Variants in PDE8A observed in about 807,000 individuals in gnomAD.
PDE8A encodes the protein phosphodiesterase 8A.
A neutral mutation model predicts 105.0 loss-of-function variants in PDE8A; 59 were observed. That is an observed-to-expected ratio of 0.56 (90% CI 0.46 to 0.70). The LOEUF (loss-of-function observed/expected upper bound fraction) is 0.70. Among genes scored for constraint, PDE8A ranks in the 30% least tolerant of loss-of-function variants. The probability of loss-of-function intolerance (pLI) is 0.00; values close to 1 mark genes in which losing one functional copy is unlikely to be tolerated. For missense variants in PDE8A, 1,014 were observed against 1,045.9 expected, an observed-to-expected ratio of 0.97 and a Z score of 0.42; for synonymous variants, 355 against 371.9, an observed-to-expected ratio of 0.95 and a Z score of 0.52.
At chr15:85,036,468 C>T (rs2080708199) in intron 1 of PDE8A, among the ~76,000 whole-genome samples, 2 of 152,174 alleles carry the variant, frequency 1.3e-5, no homozygotes, top group South Asian at 4.1e-4. Context: ...GGACTTGAAC[C>T]TGTATACATC....
At chr15:85,064,953 CAG>C (rs2081199078) in intron 2 of PDE8A, among the ~76,000 whole-genome samples, 1 of 151,756 alleles carries the variant, frequency 6.6e-6, no homozygotes, top group African/African-American at 2.4e-5. Context: ...GCCTGGGCAA[CAG>C]AGTGAGACCC....
chr15:85,074,066 G>C (rs1283084686), intron 3 of PDE8A, among the ~76,000 whole-genome samples: 1 of 152,202 alleles, frequency 6.6e-6, no homozygotes, highest in East Asian at 1.9e-4. Flanking sequence ...AGAAAAGCAG[G>C]GATGTTGAGG....
rs2082049063 is a variant in PDE8A, at chr15:85,113,460, G to A, written c.1185+13G>A. 1 of 1,609,906 alleles carries A rather than the reference G, an allele frequency of 6.2e-7. No individual in the cohort carries two copies. The highest frequency in any genetic ancestry group is 8.5e-7 in the Non-Finnish European group (1 of 1,176,206). ...GCCCATCACCAAGGTGAAGCAGTTT[G>A]TGGTCTGTCTCCATTGAGCACACAT... On this transcript the variant is annotated intron_variant, in intron 13 of 21. Transcript: ENST00000394553.
At chr15:85,099,488 A>C (rs991523788) in intron 9 of PDE8A, among the ~76,000 whole-genome samples, 11 of 152,304 alleles carry the variant, frequency 7.2e-5, no homozygotes, top group African/African-American at 2.6e-4. Context: ...CAAGGGGAAA[A>C]AGTGAAAAAA....
intron 1 of PDE8A, among the ~76,000 whole-genome samples, chr15:85,033,800 G>A (rs2080656961): frequency 6.6e-6 from 1 of 152,324 alleles, no homozygotes; most frequent in African/African-American, 2.4e-5. Context: ...GGGAGGCAGA[G>A]GTTGCAGTGA....
At chr15:85,056,290 G>A (rs1427252775) in intron 1 of PDE8A, among the ~76,000 whole-genome samples, 1 of 152,070 alleles carries the variant, frequency 6.6e-6, no homozygotes, top group Admixed American at 6.6e-5. Flanking sequence ...ACGTGTCTTG[G>A]AGTTGCTCTT....
intron 1 of PDE8A, among the ~76,000 whole-genome samples, chr15:85,049,586 T>C (rs2080940428): frequency 6.6e-6 from 1 of 152,232 alleles, no homozygotes; most frequent in Non-Finnish European, 1.5e-5. Context: ...AAAATACATT[T>C]ATTCTTTATT....
At chr15:85,005,098 G>C (rs1401767616) in intron 1 of PDE8A, among the ~76,000 whole-genome samples, 1 of 151,804 alleles carries the variant, frequency 6.6e-6, no homozygotes, top group Non-Finnish European at 1.5e-5. Context: ...TTATAGCTGG[G>C]TATTATCTCT....
chr15:85,137,691 C>A (rs968229401), intron 21 of PDE8A, 106 bp from the exon 22 acceptor site: 9 of 722,832 alleles, frequency 1.2e-5, no homozygotes, highest in Non-Finnish European at 2.2e-5. Context: ...TTTAGCCTCA[C>A]GCAGATGCCT....
chr15:85,001,148 C>T (rs1186769837), intron 1 of PDE8A, among the ~76,000 whole-genome samples: 2 of 152,166 alleles, frequency 1.3e-5, no homozygotes, highest in Admixed American at 6.5e-5. Flanking sequence ...ACACTGAATG[C>T]CTCGAGTACT....
Position 85,085,845 on chromosome 15 carries a change from T to TA in PDE8A, c.635+2209dup, listed in dbSNP as rs1350304520. 9.3e-5 allele frequency among the ~76,000 whole-genome samples: 14 copies of TA among 151,072 alleles called. No homozygotes were observed. The East Asian group carries it at 9.7e-4, about 10-fold the overall frequency. ...CAACATGATGAAACCCCGTCTCTAC[T>TA]AAAAAAAATACAAAAAATTAGCTGG... is the stretch of plus-strand genomic sequence containing the variant. On this transcript the variant is annotated intron_variant, in intron 6 of 21. Coordinates refer to ENST00000394553, the MANE Select transcript of PDE8A (RefSeq NM_002605.3).
chr15:85,055,152 T>C (rs2081040187), intron 1 of PDE8A, among the ~76,000 whole-genome samples: 1 of 152,224 alleles, frequency 6.6e-6, no homozygotes, highest in African/African-American at 2.4e-5. Flanking sequence ...TGAGTTCTAG[T>C]TTGACTGCAC....
chr15:85,041,554 A>G (rs577451676), intron 1 of PDE8A, among the ~76,000 whole-genome samples: 1 of 152,314 alleles, frequency 6.6e-6, no homozygotes, highest in Admixed American at 6.5e-5. Flanking sequence ...GTGTATTTGG[A>G]TTATAATTTG....
Position 85,123,064 on chromosome 15 carries a change from T to C in PDE8A, c.1956T>C (p.Asn652=), listed in dbSNP as rs1486343659. 1.2e-6 allele frequency: 2 copies of C among 1,613,392 alleles called. No homozygotes were observed. Among genetic ancestry groups the C allele is most frequent in the South Asian group, 1.1e-5 (1 of 91,054 alleles). ...KCNIFKNMER[N]DYRTLRQGII... is the part of the protein sequence containing the mutation. ...TCTAATTTGTCATCGAAAACAGGAATGATTATCGGACACTGCGCCAGGGGA... is the reference window on the plus strand; with the variant it reads ...TCTAATTTGTCATCGAAAACAGGAACGATTATCGGACACTGCGCCAGGGGA... Residue 652 remains asparagine, a synonymous_variant, in exon 19 of 22, where the codon AAT becomes AAC. Coordinates refer to ENST00000394553, the MANE Select transcript of PDE8A (RefSeq NM_002605.3).
chr15:85,082,077 T>G (rs893988339), intron 5 of PDE8A, among the ~76,000 whole-genome samples: 38 of 152,060 alleles, frequency 2.5e-4, no homozygotes, highest in Non-Finnish European at 5.3e-4. Context: ...TCAAGAAATC[T>G]CTTTTCCCTG....
chr15:85,090,463 A>T (rs2081623015), intron 7 of PDE8A, among the ~76,000 whole-genome samples: 1 of 152,204 alleles, frequency 6.6e-6, no homozygotes, highest in African/African-American at 2.4e-5. Flanking sequence ...TTACAGTCAT[A>T]TCTGAAACTT....
intron 20 of PDE8A, among the ~76,000 whole-genome samples, chr15:85,126,654 T>G (rs886931732): frequency 6.6e-6 from 1 of 151,998 alleles, no homozygotes; most frequent in Non-Finnish European, 1.5e-5. Flanking sequence ...TCATATTCTT[T>G]CTGAGTAGAA....
intron 14 of PDE8A, among the ~76,000 whole-genome samples, chr15:85,114,666 C>T (rs2082068399): frequency 6.6e-6 from 1 of 152,148 alleles, no homozygotes; most frequent in South Asian, 2.1e-4. Context: ...GCAAAATCCA[C>T]CTCCCTCCCA....
At chr15:85,010,088 C>T (rs1389782030) in intron 1 of PDE8A, among the ~76,000 whole-genome samples, 7 of 152,092 alleles carry the variant, frequency 4.6e-5, no homozygotes, top group African/African-American at 1.7e-4. Flanking sequence ...ATGGTGTTGG[C>T]AGTTAGGACA....
Sources: gnomAD v4.1 joint callset for allele counts (sites outside exome capture counted in the v4.1 genomes callset) on GRCh38, gnomAD v4.1.1 for gene constraint, MANE v1.5 for transcripts, NCBI Gene and HGNC (gene_info 2026-07-23, HGNC 2026-07-21) for gene names.